The following PMM2 variants were observed in gnomAD, a reference collection of about 807,000 sequenced individuals.
The protein encoded by PMM2 is phosphomannomutase 2.
PMM2 carries 35 observed loss-of-function variants against 33.2 expected under a neutral mutation model. The observed-to-expected ratio is 1.06, with a 90% CI of 0.81 to 1.40. The LOEUF (loss-of-function observed/expected upper bound fraction) is 1.40. Ranked by LOEUF, PMM2 falls within the 40% of genes most tolerant of loss-of-function variation. PMM2 has a pLI of 0.00. For missense variants in PMM2, 386 were observed against 306.0 expected (o/e 1.26, Z -1.95); for synonymous variants, 153 against 114.7 (o/e 1.33, Z -2.13).
At chr16:8,823,902 G>T (rs1173686700) in intron 7 of PMM2, among the ~76,000 whole-genome samples, 1 of 152,230 alleles carries the variant, frequency 6.6e-6, no homozygotes, top group South Asian at 2.1e-4. Flanking sequence ...CCTTAAAGCA[G>T]TCTGTTTATA....
At chr16:8,797,984 C>T in intron 1 of PMM2, 36 bp downstream of exon 1, 1 of 1,566,524 alleles carries the variant, frequency 6.4e-7, no homozygotes, top group Non-Finnish European at 8.7e-7. Context: ...GCAGCCGACG[C>T]GGAGCCCGTG....
intron 7 of PMM2, among the ~76,000 whole-genome samples, chr16:8,827,710 A>C (rs1401343159): frequency 8.3e-6 from 1 of 121,054 alleles, no homozygotes; most frequent in African/African-American, 3.2e-5. Context: ...AAGGCCTTTT[A>C]AATGTGTGCA....
At chr16:8,836,272 A>G (rs1033755176) in intron 7 of PMM2, among the ~76,000 whole-genome samples, 1 of 152,020 alleles carries the variant, frequency 6.6e-6, no homozygotes, top group Non-Finnish European at 1.5e-5. Flanking sequence ...GGGATTGGGC[A>G]GTGTCAGTCT....
At chr16:8,827,789 T>C (rs867194167) in intron 7 of PMM2, among the ~76,000 whole-genome samples, 1,381 of 69,620 alleles carry the variant, frequency 0.02, 50 homozygotes, top group African/African-American at 0.064. Flanking sequence ...TATATTTATA[T>C]ATATTTATAC....
chr16:8,843,175 C>A (rs1050057434), intron 7 of PMM2, among the ~76,000 whole-genome samples: 10 of 152,094 alleles, frequency 6.6e-5, no homozygotes, highest in African/African-American at 2.2e-4. Flanking sequence ...CCTGGCCGTC[C>A]ATACCCACAA....
chr16:8,802,362 G>A (rs776368636), intron 2 of PMM2: 1 of 446,526 alleles, frequency 2.2e-6, no homozygotes, highest in African/African-American at 2.0e-5. Context: ...GACTTGATAG[G>A]TCTGTGGAGC....
intron 7 of PMM2, among the ~76,000 whole-genome samples, chr16:8,823,023 C>G (rs2060746726): frequency 7.2e-6 from 1 of 138,744 alleles, no homozygotes; most frequent in Non-Finnish European, 1.7e-5. Flanking sequence ...GGTTGTTAGA[C>G]AGACAGATTG....
intron 7 of PMM2, among the ~76,000 whole-genome samples, chr16:8,836,405 G>T (rs1055659361): frequency 6.6e-6 from 1 of 151,968 alleles, no homozygotes; most frequent in Non-Finnish European, 1.5e-5. Context: ...CGCACAGATG[G>T]GACGCGGCTT....
At chr16:8,838,283 C>G (rs1232351394) in intron 7 of PMM2, among the ~76,000 whole-genome samples, 1 of 152,084 alleles carries the variant, frequency 6.6e-6, no homozygotes, top group Non-Finnish European at 1.5e-5. Flanking sequence ...GGTGGAATGT[C>G]ATCAGCTAAG....
rs2060938638 is a variant in PMM2, at chr16:8,847,880, T to G, written c.*55T>G. 1 of 1,380,260 alleles carries G rather than the reference T, an allele frequency of 7.2e-7. No homozygotes were observed. Among genetic ancestry groups the G allele is most frequent in the East Asian group, 2.3e-5 (1 of 43,588 alleles). 85.5% of individuals were successfully genotyped at this position (1,380,260 alleles called of 1,614,324 possible). A position where few individuals can be genotyped will look rare whatever the true frequency, so the allele number is the denominator to read the frequency against. On this transcript the variant is annotated 3_prime_UTR_variant, in exon 8 of 8. Transcript: ENST00000268261. ...TGACAAGCCAGCATAGGGCATTCGG[T>G]GGCCAGAGCCGAGGGTCCTCCCACA...
chr16:8,827,969 A>AT (rs1438333445), intron 7 of PMM2, among the ~76,000 whole-genome samples: 4 of 126,174 alleles, frequency 3.2e-5, no homozygotes, highest in Non-Finnish European at 6.5e-5. Context: ...AAATTTATAT[A>AT]TATATATAAA....
At chr16:8,837,569 G>A (rs975921623) in intron 7 of PMM2, among the ~76,000 whole-genome samples, 1 of 151,358 alleles carries the variant, frequency 6.6e-6, no homozygotes, top group Admixed American at 6.6e-5. Flanking sequence ...AGGGGTTGGG[G>A]CACGGAAATA....
intron 7 of PMM2, among the ~76,000 whole-genome samples, chr16:8,820,266 G>C (rs565576257): frequency 2.6e-5 from 4 of 151,820 alleles, no homozygotes; most frequent in Non-Finnish European, 5.9e-5. Context: ...TGTTGACCCA[G>C]ATCTGGCCCC....
intron 6 of PMM2, among the ~76,000 whole-genome samples, chr16:8,812,162 G>A (rs2060681459): frequency 6.6e-6 from 1 of 152,214 alleles, no homozygotes; most frequent in Non-Finnish European, 1.5e-5. Flanking sequence ...GGCCAATTGG[G>A]TGGCTTTTAC....
chr16:8,798,828 C>T (rs1354599268), intron 1 of PMM2, among the ~76,000 whole-genome samples: 2 of 152,164 alleles, frequency 1.3e-5, no homozygotes, highest in East Asian at 1.9e-4. Context: ...TCAGCTTCTA[C>T]CCTCACCCCT....
At position 8,797,875 on chromosome 16, in the gene PMM2, C is replaced by CA. The variant is rs774507975; in HGVS notation, c.-8_-7insA. The CA allele has an allele frequency of 3.1e-6, 5 of 1,611,260 alleles. No homozygotes were observed. The highest frequency in any genetic ancestry group is 4.2e-6 in the Non-Finnish European group (5 of 1,179,108). ...GTGTCTTGTAAGGTGCGGCTAGAAA[C>CA]TGGGGACATGGCAGCGCCTGGCCCA... On this transcript the variant is annotated 5_prime_UTR_variant, in exon 1 of 8. The change creates a new upstream start codon in the 5' untranslated region. Coordinates refer to ENST00000268261, the MANE Select transcript of PMM2 (RefSeq NM_000303.3).
At chr16:8,844,234 T>A (rs1458700249) in intron 7 of PMM2, among the ~76,000 whole-genome samples, 1 of 151,790 alleles carries the variant, frequency 6.6e-6, no homozygotes, top group Non-Finnish European at 1.5e-5. Context: ...TTTAAGTTCT[T>A]GAGAACACAG....
intron 1 of PMM2, 81 bp from the exon 2 acceptor site, chr16:8,801,718 G>A (rs2060617325): frequency 1.1e-6 from 1 of 876,054 alleles, no homozygotes; most frequent in African/African-American, 1.7e-5. Flanking sequence ...TAAGACTTAT[G>A]TACTTGTGTT....
intron 7 of PMM2, chr16:8,832,968 C>CG: frequency 1.1e-6 from 1 of 941,966 alleles, no homozygotes. Context: ...CTGGTCTCCC[C>CG]AGGGCAGCTG....
Sources: allele counts gnomAD v4.1 joint callset (sites outside exome capture counted in the v4.1 genomes callset), GRCh38; gene constraint gnomAD v4.1.1; transcripts MANE v1.5; gene names NCBI Gene and HGNC (gene_info 2026-07-23, HGNC 2026-07-21).